CEP135: variants seen among roughly 807,000 people sequenced by gnomAD.
CEP135 encodes centrosomal protein of 135 kDa.
A neutral mutation model predicts 157.3 loss-of-function variants in CEP135; 142 were observed. The ratio of observed to expected loss-of-function variants is 0.90; its 90% confidence interval spans 0.79 to 1.04. The LOEUF (loss-of-function observed/expected upper bound fraction) is 1.04. Ranked by LOEUF, CEP135 falls within the 50% of genes least tolerant of loss-of-function variation. The pLI is 0.00. For synonymous variants in CEP135, 396 were observed against 439.8 expected (o/e 0.90, Z 1.25); for missense variants, 1,317 against 1,309.2 (o/e 1.01, Z -0.09).
At position 56,019,469 on chromosome 4, in the gene CEP135, A is replaced by G. The variant is rs201480537; in HGVS notation, c.3129A>G (p.Lys1043=). 1.9e-6 allele frequency: 3 copies of G among 1,614,080 alleles called. No homozygotes were observed. The highest frequency in any genetic ancestry group is 2.5e-6 in the Non-Finnish European group (3 of 1,179,966). ...LESLLATNRD[K]EFHSHLTSHE... Reference sequence around the variant, plus strand: ...CATTGTTGGCTACAAACAGAGATAAAGAATTTCATTCTCACTTAACCTCCC... The same window carrying G: ...CATTGTTGGCTACAAACAGAGATAAGGAATTTCATTCTCACTTAACCTCCC... Residue 1043 remains lysine (K), a synonymous_variant, in exon 23 of 26, where the codon AAA becomes AAG. Transcript: ENST00000257287.
chr4:55,968,971 T>A, intron 8 of CEP135, 92 bp from the exon 9 acceptor site: 1 of 891,500 alleles, frequency 1.1e-6, no homozygotes, highest in East Asian at 2.8e-5. Context: ...AGAGGGAACG[T>A]GAAGTAATTG....
intron 22 of CEP135, 75 bp from the exon 23 acceptor site, chr4:56,019,278 T>A: frequency 8.7e-7 from 1 of 1,144,732 alleles, no homozygotes; most frequent in Non-Finnish European, 1.2e-6. Context: ...CACAGAGCTA[T>A]ATTGTCAGAT....
intron 6 of CEP135, among the ~76,000 whole-genome samples, chr4:55,962,351 C>T (rs150856310): frequency 0.024 from 3,721 of 152,242 alleles, 68 homozygotes; most frequent in Admixed American, 0.06. Context: ...CCTCTCACCT[C>T]GGCCTCCCAA....
chr4:55,956,363 A>T (rs1012374748), intron 4 of CEP135, among the ~76,000 whole-genome samples: 1 of 152,218 alleles, frequency 6.6e-6, no homozygotes, highest in African/African-American at 2.4e-5. Flanking sequence ...CCAAGACAAG[A>T]TATATCTAGC....
At chr4:55,989,387 C>T (rs1729710801) in intron 14 of CEP135, among the ~76,000 whole-genome samples, 1 of 152,114 alleles carries the variant, frequency 6.6e-6, no homozygotes, top group Non-Finnish European at 1.5e-5. Context: ...TAATATTGTC[C>T]TCATTTCACA....
At chr4:55,951,408 G>C (rs1263155725) in intron 1 of CEP135, among the ~76,000 whole-genome samples, 1 of 152,128 alleles carries the variant, frequency 6.6e-6, no homozygotes, top group Non-Finnish European at 1.5e-5. Context: ...GCTATTGTCG[G>C]TCCTTGTAAT....
intron 1 of CEP135, among the ~76,000 whole-genome samples, chr4:55,951,171 G>A (rs1183524854): frequency 3.3e-5 from 5 of 152,114 alleles, no homozygotes; most frequent in Admixed American, 2.0e-4. Context: ...GGGGGTTTAG[G>A]TTGTTTCCAG....
At chr4:55,992,338 A>G (rs1729826047) in intron 15 of CEP135, among the ~76,000 whole-genome samples, 5 of 152,226 alleles carry the variant, frequency 3.3e-5, no homozygotes, top group Admixed American at 3.3e-4. Context: ...ACAGATTAAT[A>G]TGATTGCAGG....
chr4:56,009,401 A>T (rs1401358912), intron 18 of CEP135, among the ~76,000 whole-genome samples: 3 of 152,072 alleles, frequency 2.0e-5, no homozygotes, highest in Non-Finnish European at 4.4e-5. Flanking sequence ...TGACCTCATG[A>T]TCTGCCCGCC....
In CEP135 at chr4:55,953,185, A is replaced by G; in HGVS notation, c.214A>G (p.Lys72Glu). Reference sequence around the variant, plus strand: ...TTTTGATTTTGTTTTGGAACCCTATAAACTTGAAAATGCAAGATTGAGTAG... The same window carrying G: ...TTTTGATTTTGTTTTGGAACCCTATGAACTTGAAAATGCAAGATTGAGTAG... ...ANFDFVLEPY[K>E]LENARLSREN... Residue 72 changes from lysine (K) to glutamate (E), a missense_variant, in exon 3 of 26, where the codon AAA becomes GAA. Physicochemically the swap from Lys to Glu is moderately conservative, Grantham distance 56. Transcript: ENST00000257287. 6.2e-7 allele frequency: 1 copy of G among 1,607,190 alleles called. No homozygotes were observed. Among genetic ancestry groups the G allele is most frequent in the Non-Finnish European group, 8.5e-7 (1 of 1,178,022 alleles).
At chr4:56,023,714 A>G (rs1409564433) in intron 24 of CEP135, among the ~76,000 whole-genome samples, 2 of 143,552 alleles carry the variant, frequency 1.4e-5, no homozygotes, top group African/African-American at 2.5e-5. Flanking sequence ...ACTGTATATT[A>G]TATGTAATAT....
intron 22 of CEP135, 151 bp from the exon 23 acceptor site, chr4:56,019,202 C>A: frequency 1.7e-6 from 1 of 597,240 alleles, no homozygotes; most frequent in South Asian, 2.4e-5. Flanking sequence ...CTTTCTTATA[C>A]TTAAAGAAAC....
intron 25 of CEP135, among the ~76,000 whole-genome samples, chr4:56,025,724 A>G (rs1275285468): frequency 6.6e-6 from 1 of 152,308 alleles, no homozygotes; most frequent in East Asian, 1.9e-4. Context: ...TAGAGAGACC[A>G]GTAAGTGGTA....
At chr4:55,951,421 T>C (rs772355713) in intron 1 of CEP135, among the ~76,000 whole-genome samples, 10 of 152,216 alleles carry the variant, frequency 6.6e-5, no homozygotes, top group Non-Finnish European at 1.2e-4. Flanking sequence ...CTTGTAATTT[T>C]AGTCATTCTA....
At chr4:56,003,422 A>G (rs1730246304) in intron 17 of CEP135, among the ~76,000 whole-genome samples, 1 of 152,012 alleles carries the variant, frequency 6.6e-6, no homozygotes, top group Admixed American at 6.6e-5. Context: ...GTTAGCCAGG[A>G]TGGTCTCAAT....
At chr4:56,024,207 C>T (rs753090634) in intron 24 of CEP135, among the ~76,000 whole-genome samples, 2 of 147,386 alleles carry the variant, frequency 1.4e-5, no homozygotes, top group Non-Finnish European at 3.0e-5. Context: ...TTTTAAGTAG[C>T]GGATAAAAGA....
chr4:56,005,585 A>G (rs1730325104), intron 17 of CEP135, among the ~76,000 whole-genome samples: 1 of 152,200 alleles, frequency 6.6e-6, no homozygotes. Context: ...TGTTTTTGAT[A>G]GATTAGATTT....
chr4:55,971,458 A>C (rs1445093185), intron 10 of CEP135, 50 bp downstream of exon 10: 12 of 1,518,342 alleles, frequency 7.9e-6, no homozygotes, highest in Non-Finnish European at 1.1e-5. Flanking sequence ...TTTCCTCTTG[A>C]TGTATTGTTT....
intron 17 of CEP135, among the ~76,000 whole-genome samples, chr4:56,008,053 GTTAATC>G (rs1730420063): frequency 6.6e-6 from 1 of 152,044 alleles, no homozygotes; most frequent in South Asian, 2.1e-4. Context: ...TTCAAATAAT[GTTAATC>G]TTCAAAATGT....
Sources: gnomAD v4.1 joint callset for allele counts (sites outside exome capture counted in the v4.1 genomes callset) on GRCh38, gnomAD v4.1.1 for gene constraint, MANE v1.5 for transcripts, NCBI Gene and HGNC (gene_info 2026-07-23, HGNC 2026-07-21) for gene names.